Variants in VPS13C observed in about 807,000 individuals in gnomAD.
VPS13C encodes the protein intermembrane lipid transfer protein VPS13C.
A neutral mutation model predicts 456.8 loss-of-function variants in VPS13C; 358 were observed. That is an observed-to-expected ratio of 0.78 (90% CI 0.72 to 0.86). The LOEUF is 0.86. VPS13C is among the 40% of genes least tolerant of loss of function. The pLI is 0.00. For missense variants in VPS13C, 4,818 were observed against 4,385.4 expected (o/e 1.10, Z -2.79); for synonymous variants, 1,578 against 1,486.7 (o/e 1.06, Z -1.41).
chr15:61,899,679 AG>A, intron 66 of VPS13C, among the ~76,000 whole-genome samples: 1 of 150,980 alleles, frequency 6.6e-6, no homozygotes, highest in East Asian at 2.0e-4. Flanking sequence ...ATTCTACCAG[AG>A]GTACAAGGAC....
At chr15:61,875,460 A>G (rs1250005850) in intron 76 of VPS13C, among the ~76,000 whole-genome samples, 1 of 152,082 alleles carries the variant, frequency 6.6e-6, no homozygotes, top group East Asian at 1.9e-4. Flanking sequence ...CAATGGTGGA[A>G]CAGTCTTGAA....
At chr15:61,960,831 T>A (rs1010900045) in intron 35 of VPS13C, among the ~76,000 whole-genome samples, 1 of 152,212 alleles carries the variant, frequency 6.6e-6, no homozygotes, top group African/African-American at 2.4e-5. Flanking sequence ...ATCTCAGCAC[T>A]TTGGGAGGCC....
At chr15:61,881,358 G>A (rs904177655) in intron 71 of VPS13C, among the ~76,000 whole-genome samples, 2 of 152,130 alleles carry the variant, frequency 1.3e-5, no homozygotes, top group African/African-American at 2.4e-5. Context: ...GAAGATGGTT[G>A]AAGAAATTCT....
intron 67 of VPS13C, among the ~76,000 whole-genome samples, chr15:61,886,542 A>T (rs1484459258): frequency 6.6e-6 from 1 of 152,126 alleles, no homozygotes; most frequent in Non-Finnish European, 1.5e-5. Flanking sequence ...ACATGCTGTG[A>T]TTTGTAGTGC....
chr15:61,878,385 T>G (rs1001329669), intron 74 of VPS13C, among the ~76,000 whole-genome samples: 3 of 151,750 alleles, frequency 2.0e-5, no homozygotes, highest in Non-Finnish European at 4.4e-5. Flanking sequence ...ATTATCTAGA[T>G]ATGAGTAATC....
At chr15:62,035,104 C>G (rs751626817) in intron 3 of VPS13C, 52 bp from the exon 4 acceptor site, 1 of 1,351,864 alleles carries the variant, frequency 7.4e-7, no homozygotes, top group Non-Finnish European at 1.0e-6. Flanking sequence ...CTCAAGAACA[C>G]AAAAATTTCT....
intron 6 of VPS13C, among the ~76,000 whole-genome samples, chr15:62,026,340 A>G (rs770256528): frequency 6.6e-6 from 1 of 152,004 alleles, no homozygotes; most frequent in Non-Finnish European, 1.5e-5. Context: ...TGAATTATGC[A>G]AATCTTCCAA....
At chr15:61,884,291 A>C in intron 67 of VPS13C, 22 bp from the exon 68 acceptor site, 1 of 1,604,820 alleles carries the variant, frequency 6.2e-7, no homozygotes. Context: ...ACACAAAAAA[A>C]TTAAATTAGC....
intron 12 of VPS13C, among the ~76,000 whole-genome samples, chr15:62,010,986 T>C (rs936812196): frequency 2.6e-5 from 4 of 152,152 alleles, no homozygotes; most frequent in African/African-American, 9.7e-5. Flanking sequence ...TCTGATAAAT[T>C]TGTCTTATTT....
intron 46 of VPS13C, 84 bp from the exon 47 acceptor site, chr15:61,940,878 C>T: frequency 7.4e-7 from 1 of 1,358,838 alleles, no homozygotes; most frequent in African/African-American, 1.5e-5. Context: ...AGTTTCCACA[C>T]AGCATTTCAT....
chr15:61,970,231 C>T (rs1291038780), intron 27 of VPS13C, among the ~76,000 whole-genome samples: 1 of 152,138 alleles, frequency 6.6e-6, no homozygotes, highest in Non-Finnish European at 1.5e-5. Flanking sequence ...ATAAGTGAGC[C>T]ACATGGACAT....
chr15:61,978,832 T>C, intron 22 of VPS13C, 83 bp from the exon 23 acceptor site: 2 of 1,388,612 alleles, frequency 1.4e-6, no homozygotes, highest in Non-Finnish European at 1.9e-6. Context: ...GTTTCAGTCT[T>C]GCATTTAGTT....
rs576364654 is a variant in VPS13C, at chr15:61,941,707, T to C, written c.5453+56A>G. On this transcript the variant is annotated intron_variant, in intron 46 of 84. Transcript: ENST00000644861. ...TACAACATTTTACCTTAGGTAAAAA[T>C]TGTATGAAAATCCTATTTCTAGTAA... is the stretch of plus-strand genomic sequence containing the variant. The C allele has an allele frequency of 6.9e-5, 104 of 1,497,654 alleles. No homozygotes were observed. The African/African-American group carries it at 1.1e-3, about 17-fold the overall frequency. The allele number at this position is 1,497,654 out of a possible 1,614,324, so 92.8% of individuals were successfully genotyped here.
chr15:62,021,565 G>A lies in VPS13C; in HGVS notation c.625-1027C>T, dbSNP rs2047463093. Among the ~76,000 whole-genome samples the A allele has an allele frequency of 2.0e-5, 3 of 151,970 alleles. No homozygotes were observed. The South Asian group carries it at 6.2e-4, about 32-fold the overall frequency. On this transcript the variant is annotated intron_variant, in intron 8 of 84. Transcript: ENST00000644861. The stretch of plus-strand genomic sequence containing the variant: ...AAGAAAAGTCTTATAGAATTGTTTG[G>A]TCATGGCAGAAACTAAGGGAAATAA...
intron 16 of VPS13C, among the ~76,000 whole-genome samples, chr15:61,993,375 A>G (rs2046284722): frequency 6.6e-6 from 1 of 152,040 alleles, no homozygotes; most frequent in Non-Finnish European, 1.5e-5. Context: ...ACTTTGGGGT[A>G]AAGAAGCCAT....
chr15:61,991,535 T>C (rs1372091124), intron 17 of VPS13C, 138 bp downstream of exon 17: 3 of 832,244 alleles, frequency 3.6e-6, no homozygotes, highest in East Asian at 3.1e-5. Flanking sequence ...CAGCCTGATG[T>C]ATTTGCTTAT....
intron 16 of VPS13C, among the ~76,000 whole-genome samples, chr15:61,995,799 G>T (rs1443433357): frequency 6.6e-6 from 1 of 152,222 alleles, no homozygotes; most frequent in Non-Finnish European, 1.5e-5. Context: ...AAAACCTTAA[G>T]CAGAGGACTC....
chr15:62,054,911 T>C (rs966702026), intron 1 of VPS13C, among the ~76,000 whole-genome samples: 8 of 152,206 alleles, frequency 5.3e-5, no homozygotes, highest in African/African-American at 1.7e-4. Context: ...TGACATAATC[T>C]ATCTCAACAA....
intron 66 of VPS13C, among the ~76,000 whole-genome samples, chr15:61,896,497 A>T (rs548149124): frequency 1.3e-5 from 2 of 152,178 alleles, no homozygotes; most frequent in Non-Finnish European, 2.9e-5. Flanking sequence ...GACGGACGGG[A>T]CCTGGAAAAT....
Sources: allele counts gnomAD v4.1 joint callset (sites outside exome capture counted in the v4.1 genomes callset), GRCh38; gene constraint gnomAD v4.1.1; transcripts MANE v1.5; gene names NCBI Gene and HGNC (gene_info 2026-07-23, HGNC 2026-07-21).